PHTF1: variants seen among roughly 807,000 people sequenced by gnomAD.
The protein encoded by PHTF1 is protein PHTF1.
Under a neutral mutation model 102.4 loss-of-function variants are expected in PHTF1, and 88 were observed. The ratio of observed to expected loss-of-function variants is 0.86; its 90% CI spans 0.72 to 1.03. The LOEUF is 1.03. Among genes scored for constraint, PHTF1 ranks in the 50% least tolerant of loss-of-function variants. The pLI is 0.00. For synonymous variants in PHTF1, 289 were observed against 305.2 expected, an observed-to-expected ratio of 0.95 and a Z score of 0.55; for missense variants, 814 against 909.5, an observed-to-expected ratio of 0.89 and a Z score of 1.35.
chr1:113,754,843 T>G (rs972260392), intron 3 of PHTF1, among the ~76,000 whole-genome samples: 1 of 152,188 alleles, frequency 6.6e-6, no homozygotes, highest in Admixed American at 6.5e-5. Context: ...TCAAGTAACC[T>G]TCAAATAGAT....
chr1:113,738,184 A>C lies in PHTF1; in HGVS notation c.257T>G (p.Leu86Trp), dbSNP rs763893990. The C allele has an allele frequency of 1.9e-5, 31 of 1,613,274 alleles. No individual in the cohort carries two copies. The highest frequency in any genetic ancestry group is 2.5e-5 in the Non-Finnish European group (30 of 1,179,268). Residue 86 changes from leucine (L) to tryptophan (W), a missense_variant, in exon 5 of 19, where the codon TTG becomes TGG. By Grantham distance (61) the Leu-to-Trp change is moderately conservative. Coordinates refer to ENST00000369604, the MANE Select transcript of PHTF1 (RefSeq NM_001323043.2). The part of the protein sequence containing the change: ...KGLVRVVFFP[L>W]FSNWWIQVTS... The stretch of plus-strand genomic sequence containing the variant: ...AACCTGAATCCACCAATTGCTGAAC[A>C]ATGGAAAAAATACAACTCGAACAAG...
chr1:113,721,703 T>A (rs554481746), intron 7 of PHTF1, among the ~76,000 whole-genome samples: 1 of 152,292 alleles, frequency 6.6e-6, no homozygotes, highest in South Asian at 2.1e-4. Context: ...GCATTTCTTT[T>A]TTTTGAGACA....
At chr1:113,756,378 G>A (rs938593029) in intron 3 of PHTF1, among the ~76,000 whole-genome samples, 6 of 152,070 alleles carry the variant, frequency 3.9e-5, no homozygotes, top group African/African-American at 1.4e-4. Flanking sequence ...CTATTGATTG[G>A]CCTATTTAAC....
chr1:113,720,346 T>C (rs1652725622), intron 7 of PHTF1, among the ~76,000 whole-genome samples: 1 of 152,172 alleles, frequency 6.6e-6, no homozygotes, highest in South Asian at 2.1e-4. Context: ...CAATAATAGC[T>C]GGAGACTTCA....
At chr1:113,757,908 G>T (rs1379953849) in intron 2 of PHTF1, among the ~76,000 whole-genome samples, 153 bp from the exon 3 acceptor site, 2 of 152,152 alleles carry the variant, frequency 1.3e-5, no homozygotes, top group Admixed American at 6.5e-5. Context: ...TACTTCGAAG[G>T]ACTGTTTCCT....
chr1:113,732,696 T>C (rs1014993062), intron 5 of PHTF1, among the ~76,000 whole-genome samples: 4 of 152,074 alleles, frequency 2.6e-5, no homozygotes, highest in African/African-American at 4.8e-5. Flanking sequence ...GTACAGAATA[T>C]GCAGTCCAGA....
intron 3 of PHTF1, among the ~76,000 whole-genome samples, chr1:113,746,501 C>T (rs940598628): frequency 6.6e-6 from 1 of 152,120 alleles, no homozygotes; most frequent in Non-Finnish European, 1.5e-5. Flanking sequence ...GCCATATAAT[C>T]TTCTTACAGG....
chr1:113,736,204 T>C (rs1179313591), intron 5 of PHTF1, among the ~76,000 whole-genome samples: 2 of 151,240 alleles, frequency 1.3e-5, no homozygotes, highest in Non-Finnish European at 2.9e-5. Flanking sequence ...TAGCTGGGCG[T>C]GGTGGCGGGT....
chr1:113,716,934 T>TCA (rs1362432799), intron 7 of PHTF1, among the ~76,000 whole-genome samples: 2 of 152,190 alleles, frequency 1.3e-5, no homozygotes, highest in African/African-American at 4.8e-5. Flanking sequence ...CCTGTAATTG[T>TCA]TATGTGTAAA....
chr1:113,710,928 G>A (rs12097198), intron 10 of PHTF1, among the ~76,000 whole-genome samples: 2,008 of 151,324 alleles, frequency 0.013, 19 homozygotes, highest in Middle Eastern at 0.017. Context: ...TTACAGGCAT[G>A]AGCCACCATG....
At chr1:113,703,937 G>A in intron 15 of PHTF1, 144 bp downstream of exon 15, 1 of 512,602 alleles carries the variant, frequency 2.0e-6, no homozygotes, top group Non-Finnish European at 3.5e-6. Context: ...TGAAAAGTTA[G>A]AAAAATTACC....
At chr1:113,720,646 T>A (rs575498005) in intron 7 of PHTF1, among the ~76,000 whole-genome samples, 1 of 152,336 alleles carries the variant, frequency 6.6e-6, no homozygotes, top group Admixed American at 6.5e-5. Context: ...GTGTTGAGTG[T>A]CTACGGCTTT....
In PHTF1 at chr1:113,745,180, A is replaced by G. The variant is rs12030470; in HGVS notation, c.103-6381T>C. ...AGGTCAAGACATGGGTGAGAGAGGT[A>G]AACTTGTGAGATGAGAAGAAGCCAT... On this transcript the variant is annotated intron_variant, in intron 3 of 18. Coordinates refer to ENST00000369604, the MANE Select transcript of PHTF1 (RefSeq NM_001323043.2). Among the ~76,000 whole-genome samples, 343 of 152,300 alleles carry G rather than the reference A, an allele frequency of 2.3e-3. 7 individuals are homozygous for G. The East Asian group carries it at 0.062, about 28-fold the overall frequency.
rs759532055 is a variant in PHTF1, at chr1:113,699,689, T to A, written c.2142+15A>T. On this transcript the variant is annotated intron_variant, in intron 17 of 18. Coordinates refer to ENST00000369604, the MANE Select transcript of PHTF1 (RefSeq NM_001323043.2). ...CTCAAATGATAGTAAAAGTGTATCA[T>A]AGCCTATGACTTACTTTCAACAACT... 2.1e-5 allele frequency: 21 copies of A among 1,009,492 alleles called. No individual in the cohort carries two copies. The highest frequency in any genetic ancestry group is 3.2e-5 in the African/African-American group (2 of 62,966). 62.5% of individuals were successfully genotyped at this position (1,009,492 alleles called of 1,614,324 possible). A position where few individuals can be genotyped will look rare whatever the true frequency, so the allele number is the denominator to read the frequency against.
At chr1:113,710,504 G>T in intron 10 of PHTF1, 29 bp from the exon 11 acceptor site, 2 of 1,499,458 alleles carry the variant, frequency 1.3e-6, no homozygotes, top group Non-Finnish European at 9.3e-7. Context: ...AGCAAAAAAT[G>T]TTATTCATCT....
intron 5 of PHTF1, among the ~76,000 whole-genome samples, chr1:113,729,585 G>C (rs1346930436): frequency 6.6e-6 from 1 of 151,950 alleles, no homozygotes; most frequent in Non-Finnish European, 1.5e-5. Flanking sequence ...ATTGGCATTT[G>C]ATCCCAGTTC....
At chr1:113,730,794 C>T (rs1042162767) in intron 5 of PHTF1, among the ~76,000 whole-genome samples, 41 of 152,114 alleles carry the variant, frequency 2.7e-4, no homozygotes, top group Non-Finnish European at 5.1e-4. Context: ...GATGAATGTA[C>T]AAACTAAACA....
At position 113,700,050 on chromosome 1, in the gene PHTF1, T is replaced by G; in HGVS notation, c.2047-251A>C. 2.7e-6 allele frequency: 3 copies of G among 1,128,820 alleles called. No homozygotes were observed. In the South Asian group the frequency reaches 8.0e-5, roughly 30 times the overall value. 69.9% of individuals were successfully genotyped at this position (1,128,820 alleles called of 1,614,324 possible). On this transcript the variant is annotated intron_variant, in intron 16 of 18. Coordinates refer to ENST00000369604, the MANE Select transcript of PHTF1 (RefSeq NM_001323043.2). The stretch of plus-strand genomic sequence containing the variant: ...TTTAAATATCAAAACAATGAAAAAT[T>G]TTAATATTACTTGCAACATAACATA...
Position 113,730,714 on chromosome 1 carries a change from T to C in PHTF1, c.332-4140A>G, listed in dbSNP as rs531653556. Among the ~76,000 whole-genome samples the C allele has an allele frequency of 2.1e-4, 32 of 152,350 alleles. No homozygotes were observed. In the South Asian group the frequency reaches 5.8e-3, roughly 28 times the overall value. On this transcript the variant is annotated intron_variant, in intron 5 of 18. Transcript: ENST00000369604. ...GTAAAAATAGACTTAAAAAGTCATG[T>C]ATTTTCAGCAGCAGCAACAAAGACA...
Sources: allele counts gnomAD v4.1 joint callset (sites outside exome capture counted in the v4.1 genomes callset), GRCh38; gene constraint gnomAD v4.1.1; transcripts MANE v1.5; gene names NCBI Gene and HGNC (gene_info 2026-07-23, HGNC 2026-07-21).